Variants in STIM1 observed in about 807,000 individuals in gnomAD.
STIM1 encodes the protein stromal interaction molecule 1.
A neutral mutation model predicts 74.7 loss-of-function variants in STIM1; 25 were observed. The observed-to-expected ratio is 0.33, with a 90% CI of 0.24 to 0.47. The LOEUF is 0.47. STIM1 is among the 20% of genes least tolerant of loss of function. The pLI, the probability that STIM1 is intolerant of heterozygous loss-of-function variation, is 1.00. For missense variants in STIM1, 728 were observed against 920.8 expected, an observed-to-expected ratio of 0.79 and a Z score of 2.71; for synonymous variants, 328 against 348.8, an observed-to-expected ratio of 0.94 and a Z score of 0.66.
intron 1 of STIM1, among the ~76,000 whole-genome samples, chr11:3,933,975 T>C (rs1197703027): frequency 1.3e-5 from 2 of 152,216 alleles, no homozygotes; most frequent in East Asian, 1.9e-4. Flanking sequence ...TCTTTGTAAG[T>C]TAGTACTTAA....
chr11:4,055,159 AC>A (rs1337701209), intron 3 of STIM1, among the ~76,000 whole-genome samples: 2 of 152,212 alleles, frequency 1.3e-5, no homozygotes, highest in Non-Finnish European at 2.9e-5. Context: ...AAGAAGATAC[AC>A]CTATTTTAAA....
intron 2 of STIM1, among the ~76,000 whole-genome samples, chr11:4,015,232 A>G (rs1319731361): frequency 6.6e-6 from 1 of 152,224 alleles, no homozygotes; most frequent in African/African-American, 2.4e-5. Context: ...GAGCTCTTGT[A>G]AGGCAGGCCT....
chr11:3,876,968 A>G (rs1000215035), intron 1 of STIM1, among the ~76,000 whole-genome samples: 1 of 152,204 alleles, frequency 6.6e-6, no homozygotes, highest in Non-Finnish European at 1.5e-5. Context: ...GGTTCTGCCC[A>G]GCCCCTTTAC....
At chr11:3,897,618 C>G (rs1289413087) in intron 1 of STIM1, among the ~76,000 whole-genome samples, 1 of 152,028 alleles carries the variant, frequency 6.6e-6, no homozygotes, top group African/African-American at 2.4e-5. Context: ...CCCATTAACT[C>G]GTCATTTAGC....
chr11:3,937,797 C>G (rs1178542958), intron 1 of STIM1, among the ~76,000 whole-genome samples: 1 of 152,216 alleles, frequency 6.6e-6, no homozygotes, highest in Non-Finnish European at 1.5e-5. Context: ...CCACCACATT[C>G]TAGCTCCAGA....
chr11:3,934,813 A>C (rs965331094), intron 1 of STIM1, among the ~76,000 whole-genome samples: 1 of 152,234 alleles, frequency 6.6e-6, no homozygotes, highest in Non-Finnish European at 1.5e-5. Context: ...AGAACAGAGC[A>C]CAGATGTTAT....
At chr11:4,028,265 G>C (rs571749364) in intron 3 of STIM1, among the ~76,000 whole-genome samples, 3 of 151,312 alleles carry the variant, frequency 2.0e-5, no homozygotes, top group Admixed American at 6.6e-5. Flanking sequence ...TATTTTTAAC[G>C]GAGATGGGGT....
At chr11:3,919,457 T>C (rs976668713) in intron 1 of STIM1, among the ~76,000 whole-genome samples, 6 of 151,990 alleles carry the variant, frequency 3.9e-5, no homozygotes, top group African/African-American at 1.4e-4. Context: ...CACCTGCCTC[T>C]GCCTCCCAAA....
chr11:3,895,618 CTT>C (rs1258575574), intron 1 of STIM1, among the ~76,000 whole-genome samples: 4 of 2,564 alleles, frequency 1.6e-3, no homozygotes, highest in Admixed American at 8.3e-3. Context: ...CTCTTTCTTT[CTT>C]TCTTTCTTTC....
intron 1 of STIM1, among the ~76,000 whole-genome samples, chr11:3,898,845 T>A: frequency 6.6e-6 from 1 of 151,032 alleles, no homozygotes; most frequent in East Asian, 1.9e-4. Context: ...GCGTTATTTC[T>A]GAGGGCTCTG....
chr11:4,010,782 C>T (rs1278266198), intron 2 of STIM1, among the ~76,000 whole-genome samples: 1 of 151,956 alleles, frequency 6.6e-6, no homozygotes, highest in Admixed American at 6.6e-5. Context: ...AGGTTTGTTA[C>T]ATAGGTATAC....
rs2090361711 is a variant in STIM1 at position 3,856,219 on chromosome 11, C to G, written c.-52C>G. Reference sequence around the variant, plus strand: ...CACTCCCGGGCTCCTGGCTTTGCCTCTGGGATCCCGAGGTGTCCACATCAG... The same window carrying G: ...CACTCCCGGGCTCCTGGCTTTGCCTGTGGGATCCCGAGGTGTCCACATCAG... On this transcript the variant is annotated 5_prime_UTR_variant, in exon 1 of 13. Transcript: ENST00000526596. The G allele has an allele frequency of 6.2e-7, 1 of 1,612,288 alleles. No homozygotes were observed. Among genetic ancestry groups the G allele is most frequent in the South Asian group, 1.1e-5 (1 of 91,064 alleles).
At chr11:3,973,203 G>A (rs902782196) in intron 2 of STIM1, 6 of 443,334 alleles carry the variant, frequency 1.4e-5, no homozygotes, top group Non-Finnish European at 2.2e-5. Context: ...CACCAGCATG[G>A]CTGCTACCAA....
In STIM1 at chr11:3,867,871, A is replaced by AGCAGGCAG. The variant is rs2090920820; in HGVS notation, c.139+11465_139+11472dup. Among the ~76,000 whole-genome samples the AGCAGGCAG allele has an allele frequency of 2.5e-5, 3 of 118,586 alleles. No individual in the cohort carries two copies. In the Admixed American group the frequency reaches 2.6e-4, roughly 10 times the overall value. The allele number at this position is 118,586 out of a possible 152,430, so 77.8% of individuals were successfully genotyped here. On this transcript the variant is annotated intron_variant, in intron 1 of 12. Transcript: ENST00000526596. ...AGGCAGGCAGGCAGGCAGGCAGGCA[A>AGCAGGCAG]GCAGGCAGGCTTTCAAATCTCATGT...
chr11:3,927,522 A>C (rs1046563831), intron 1 of STIM1, among the ~76,000 whole-genome samples: 1 of 152,232 alleles, frequency 6.6e-6, no homozygotes, highest in Non-Finnish European at 1.5e-5. Context: ...ACTTACTTGT[A>C]ACCTTTTTCG....
intron 3 of STIM1, among the ~76,000 whole-genome samples, chr11:4,042,265 T>G (rs2094154012): frequency 6.6e-6 from 1 of 152,192 alleles, no homozygotes; most frequent in South Asian, 2.1e-4. Context: ...TCCACATGCC[T>G]CATACCTTTT....
At chr11:3,951,424 A>G (rs931005144) in intron 1 of STIM1, among the ~76,000 whole-genome samples, 6 of 152,174 alleles carry the variant, frequency 3.9e-5, no homozygotes, top group Non-Finnish European at 7.4e-5. Flanking sequence ...CTCTTAGTTC[A>G]TGTCTCTTTT....
At chr11:3,997,428 G>A (rs909655043) in intron 2 of STIM1, among the ~76,000 whole-genome samples, 2 of 152,104 alleles carry the variant, frequency 1.3e-5, no homozygotes, top group Admixed American at 1.3e-4. Context: ...GGCTGAGGTG[G>A]GAGAATTGCT....
intron 1 of STIM1, among the ~76,000 whole-genome samples, chr11:3,919,670 C>T (rs2092693717): frequency 6.6e-6 from 1 of 152,190 alleles, no homozygotes; most frequent in Admixed American, 6.5e-5. Flanking sequence ...GTGTATAAAG[C>T]TGTGAGCTGG....
Sources: allele counts gnomAD v4.1 joint callset (sites outside exome capture counted in the v4.1 genomes callset), GRCh38; gene constraint gnomAD v4.1.1; transcripts MANE v1.5; gene names NCBI Gene and HGNC (gene_info 2026-07-23, HGNC 2026-07-21).